PRIM2: variants seen among roughly 807,000 people sequenced by gnomAD.
PRIM2 encodes DNA primase subunit 2, also known as DNA primase large subunit.
PRIM2 carries 39 observed loss-of-function variants against 67.3 expected under a neutral mutation model. The ratio of observed to expected loss-of-function variants is 0.58; its 90% CI spans 0.45 to 0.76. The LOEUF is 0.76. Ranked by LOEUF, PRIM2 falls within the 30% of genes least tolerant of loss-of-function variation. PRIM2 has a pLI of 0.00. For synonymous variants in PRIM2, 143 were observed against 198.7 expected, an observed-to-expected ratio of 0.72 and a Z score of 2.36; for missense variants, 398 against 598.7, an observed-to-expected ratio of 0.66 and a Z score of 3.50.
At chr6:57,299,160 A>G in the PRIM2 span, among the ~76,000 whole-genome samples, 1 of 152,086 alleles carries the variant, frequency 6.6e-6, no homozygotes, top group African/African-American at 2.4e-5. Flanking sequence ...TTTATAAACA[A>G]TAATCTATTA....
the PRIM2 span, among the ~76,000 whole-genome samples, chr6:57,223,112 A>C: frequency 6.6e-6 from 1 of 152,388 alleles, no homozygotes; most frequent in South Asian, 2.1e-4. Flanking sequence ...AACACTATAC[A>C]GCAACGCAAA....
intron 5 of PRIM2, among the ~76,000 whole-genome samples, chr6:57,357,115 G>A (rs1360618061): frequency 1.3e-5 from 2 of 151,890 alleles, no homozygotes; most frequent in African/African-American, 4.8e-5. Flanking sequence ...TGTAGCTTTA[G>A]TAGAGACAGG....
chr6:57,406,840 A>G (rs1203393076), intron 7 of PRIM2, among the ~76,000 whole-genome samples: 2 of 152,178 alleles, frequency 1.3e-5, no homozygotes, highest in East Asian at 1.9e-4. Flanking sequence ...CAGAAATATC[A>G]TGGAAAGTAC....
intron 5 of PRIM2, among the ~76,000 whole-genome samples, chr6:57,339,053 C>G (rs1768376198): frequency 6.6e-6 from 1 of 152,012 alleles, no homozygotes; most frequent in Non-Finnish European, 1.5e-5. Flanking sequence ...CATTCTTATA[C>G]ACCAACAACA....
intron 7 of PRIM2, among the ~76,000 whole-genome samples, chr6:57,429,779 A>G (rs1771758865): frequency 6.6e-6 from 1 of 152,306 alleles, no homozygotes; most frequent in East Asian, 1.9e-4. Context: ...GGTTGTAGTG[A>G]GAAGGCAGCT....
intron 7 of PRIM2, among the ~76,000 whole-genome samples, chr6:57,386,433 A>C (rs1308863894): frequency 6.6e-6 from 1 of 151,460 alleles, no homozygotes; most frequent in South Asian, 2.1e-4. Context: ...AAAAAAAAAA[A>C]AAAAAAGAAC....
At chr6:57,418,874 T>C (rs547889092) in intron 7 of PRIM2, among the ~76,000 whole-genome samples, 1 of 152,156 alleles carries the variant, frequency 6.6e-6, no homozygotes, top group African/African-American at 2.4e-5. Flanking sequence ...TTTGTATTGC[T>C]ACTCACATTT....
intron 5 of PRIM2, among the ~76,000 whole-genome samples, chr6:57,345,554 A>G (rs1256885645): frequency 2.0e-5 from 3 of 150,586 alleles, no homozygotes; most frequent in African/African-American, 7.4e-5. Context: ...TAATTACACT[A>G]AATATAATTT....
At chr6:57,426,119 T>A (rs1206798018) in intron 7 of PRIM2, among the ~76,000 whole-genome samples, 12 of 152,180 alleles carry the variant, frequency 7.9e-5, no homozygotes, top group African/African-American at 2.9e-4. Flanking sequence ...CTGCATAGAT[T>A]TTAAATACAC....
chr6:57,433,985 C>T (rs545811116), intron 7 of PRIM2, among the ~76,000 whole-genome samples: 14 of 147,118 alleles, frequency 9.5e-5, no homozygotes, highest in African/African-American at 3.3e-4. Context: ...AGTGCAGTGG[C>T]GCAATCTCAG....
intron 7 of PRIM2, among the ~76,000 whole-genome samples, chr6:57,422,736 C>T (rs1771507253): frequency 6.6e-6 from 1 of 151,504 alleles, no homozygotes; most frequent in South Asian, 2.1e-4. Flanking sequence ...GGCTAGTATA[C>T]AAATGATAGG....
intron 13 of PRIM2, among the ~76,000 whole-genome samples, chr6:57,641,261 C>T (rs1342302967): frequency 3.0e-4 from 45 of 152,102 alleles, no homozygotes; most frequent in Non-Finnish European, 5.6e-4. Flanking sequence ...AAGACTTAAA[C>T]GTAAGACCTA....
chr6:57,634,204 T>C (rs1173838431), intron 13 of PRIM2, among the ~76,000 whole-genome samples: 3 of 152,172 alleles, frequency 2.0e-5, no homozygotes, highest in Non-Finnish European at 4.4e-5. Flanking sequence ...GCAGAGGTAA[T>C]TGGCATTTTC....
At chr6:57,397,826 A>G (rs1234474648) in intron 7 of PRIM2, among the ~76,000 whole-genome samples, 1 of 149,742 alleles carries the variant, frequency 6.7e-6, no homozygotes. Context: ...GCTTGCTTAG[A>G]GGCTGATTTG....
intron 5 of PRIM2, among the ~76,000 whole-genome samples, chr6:57,368,112 T>A (rs1251227460): frequency 1.3e-5 from 2 of 152,246 alleles, no homozygotes; most frequent in African/African-American, 4.8e-5. Flanking sequence ...AATTATGATA[T>A]TTGCTTTCAG....
intron 7 of PRIM2, among the ~76,000 whole-genome samples, chr6:57,445,486 A>G (rs9464491): frequency 3.9e-5 from 6 of 152,114 alleles, no homozygotes; most frequent in Non-Finnish European, 8.8e-5. Flanking sequence ...AGACCTCCCA[A>G]TTACACTGCT....
At chr6:57,446,880 G>A (rs547664483) in intron 7 of PRIM2, among the ~76,000 whole-genome samples, 13 of 152,276 alleles carry the variant, frequency 8.5e-5, no homozygotes, top group Admixed American at 4.6e-4. Context: ...TGGAAGGGAA[G>A]GTAGAAGTTG....
At chr6:57,530,702 C>T (rs1774869019) in intron 8 of PRIM2, among the ~76,000 whole-genome samples, 2 of 151,756 alleles carry the variant, frequency 1.3e-5, no homozygotes, top group Non-Finnish European at 2.9e-5. Flanking sequence ...GAGGGGAAAT[C>T]TGTACCTTTT....
intron 7 of PRIM2, among the ~76,000 whole-genome samples, chr6:57,478,369 C>T (rs1773530504): frequency 1.5e-5 from 2 of 134,764 alleles, no homozygotes; most frequent in South Asian, 2.3e-4. Flanking sequence ...TTCTTGTTCT[C>T]TCATCCAGAC....
Sources: allele counts gnomAD v4.1 joint callset (sites outside exome capture counted in the v4.1 genomes callset), GRCh38; gene constraint gnomAD v4.1.1; transcripts MANE v1.5; gene names NCBI Gene and HGNC (gene_info 2026-07-23, HGNC 2026-07-21).